Variants in SHANK2 observed in about 807,000 individuals in gnomAD.
SHANK2 encodes the protein SH3 and multiple ankyrin repeat domains protein 2.
A neutral mutation model predicts 133.7 loss-of-function variants in SHANK2; 43 were observed. That is an observed-to-expected ratio of 0.32 (90% CI 0.25 to 0.41). SHANK2 has a LOEUF of 0.41. SHANK2 is among the 10% of genes least tolerant of loss of function. SHANK2 has a pLI of 1.00. For synonymous variants in SHANK2, 1,017 were observed against 952.8 expected, an observed-to-expected ratio of 1.07 and a Z score of -1.24; for missense variants, 1,994 against 2,235.8, an observed-to-expected ratio of 0.89 and a Z score of 2.18.
intron 11 of SHANK2, among the ~76,000 whole-genome samples, chr11:70,878,094 G>A (rs369991434): frequency 1.1e-4 from 17 of 152,342 alleles, no homozygotes; most frequent in African/African-American, 4.1e-4. Flanking sequence ...GGCACTGGGG[G>A]TCCCAGACAC....
chr11:70,495,832 C>T (rs147497650), intron 21 of SHANK2: 63 of 200,024 alleles, frequency 3.1e-4, no homozygotes, highest in African/African-American at 1.4e-3. Flanking sequence ...TGGGGGCAGC[C>T]GCAGAATCCA....
chr11:71,160,126 T>C (rs1464605933), intron 2 of SHANK2, among the ~76,000 whole-genome samples: 1 of 152,100 alleles, frequency 6.6e-6, no homozygotes, highest in African/African-American at 2.4e-5. Flanking sequence ...GAAGGGCTAG[T>C]TGGCATGGGA....
At chr11:70,904,993 TGA>T (rs1950078593) in intron 10 of SHANK2, among the ~76,000 whole-genome samples, 1 of 152,010 alleles carries the variant, frequency 6.6e-6, no homozygotes, top group Non-Finnish European at 1.5e-5. Flanking sequence ...ATCGGCAGCG[TGA>T]AAATGGACTA....
chr11:70,598,500 AAGGAACAC>A (rs2060431762), intron 17 of SHANK2, among the ~76,000 whole-genome samples: 1 of 152,374 alleles, frequency 6.6e-6, no homozygotes, highest in East Asian at 1.9e-4. Context: ...GCCATCGCAG[AAGGAACAC>A]ATAATTCTAA....
At chr11:70,489,122 G>C in intron 24 of SHANK2, 1 of 593,186 alleles carries the variant, frequency 1.7e-6, no homozygotes, top group Non-Finnish European at 3.0e-6. Flanking sequence ...CATTCGATAA[G>C]GGTATTCCAA....
At position 70,473,255 on chromosome 11, in the gene SHANK2, G is replaced by A; in HGVS notation, c.5164C>T (p.Leu1722=). The change falls in exon 26 of 26, where the codon CTG becomes TTG. Residue 1722 remains leucine, a synonymous_variant. Coordinates refer to ENST00000601538, the MANE Select transcript of SHANK2 (RefSeq NM_012309.5). This position sits in a 1 kb window ranked among gnomAD's most constrained non-coding sequence, Gnocchi z 5.9. ...GTGGCAGCAGACAGGGGGGCGGGCA[G>A]GGTCTCTTTGTTCATCTCTGTTGGC... is the stretch of plus-strand genomic sequence containing the variant. ...VSPTEMNKET[L]PAPLSAATAS... is the part of the protein sequence containing the mutation. The A allele has an allele frequency of 6.2e-7, 1 of 1,610,994 alleles. No homozygotes were observed. The highest frequency in any genetic ancestry group is 8.5e-7 in the Non-Finnish European group (1 of 1,177,350).
At chr11:71,056,713 T>C (rs1950926362) in intron 9 of SHANK2, among the ~76,000 whole-genome samples, 155 bp from the exon 10 acceptor site, 1 of 152,254 alleles carries the variant, frequency 6.6e-6, no homozygotes. Context: ...TCCTGTATGC[T>C]GTCAGGTGAG....
chr11:70,703,244 G>A (rs1341559678), intron 14 of SHANK2, among the ~76,000 whole-genome samples: 1 of 152,212 alleles, frequency 6.6e-6, no homozygotes, highest in Non-Finnish European at 1.5e-5. Flanking sequence ...CGGGTGAGGA[G>A]GGGGAGGCTC....
At position 71,059,559 on chromosome 11, in the gene SHANK2, G is replaced by A. The variant is rs1456586080; in HGVS notation, c.1030-3001C>T. On this transcript the variant is annotated intron_variant, in intron 9 of 25. Coordinates refer to ENST00000601538, the MANE Select transcript of SHANK2 (RefSeq NM_012309.5). ...AGCAGGAAGGCAGGCCACCCTGGCA[G>A]AGAGTCTTCATCCCTGGCTGGGTGG... 2.6e-5 allele frequency among the ~76,000 whole-genome samples: 4 copies of A among 151,438 alleles called. No homozygotes were observed. The South Asian group carries it at 6.2e-4, about 24-fold the overall frequency.
chr11:70,657,675 C>A (rs1252312634), intron 17 of SHANK2, among the ~76,000 whole-genome samples: 1 of 152,190 alleles, frequency 6.6e-6, no homozygotes, highest in Non-Finnish European at 1.5e-5. Flanking sequence ...GCAGGCGCAG[C>A]CCTAATGCAT....
chr11:71,073,141 TCTTTTC>T (rs1951165753), intron 9 of SHANK2, among the ~76,000 whole-genome samples: 7 of 92,588 alleles, frequency 7.6e-5, no homozygotes, highest in South Asian at 9.6e-4. Flanking sequence ...TTTTTCTTTT[TCTTTTC>T]TTTTTTTTCT....
chr11:71,163,093 A>AAAAAAATATATATATATATAT, intron 2 of SHANK2, among the ~76,000 whole-genome samples: 1 of 84,678 alleles, frequency 1.2e-5, no homozygotes, highest in Non-Finnish European at 2.5e-5. Flanking sequence ...AAAAAAAAAA[A>AAAAAAATATATATATATATAT]ATACATATAT....
intron 2 of SHANK2, among the ~76,000 whole-genome samples, chr11:71,176,248 C>T (rs532435364): frequency 6.6e-6 from 1 of 152,278 alleles, no homozygotes; most frequent in South Asian, 2.1e-4. Flanking sequence ...TTAACTAAAT[C>T]CCGCCCCCAA....
At chr11:71,148,873 G>A (rs1952706148) in intron 2 of SHANK2, among the ~76,000 whole-genome samples, 1 of 152,108 alleles carries the variant, frequency 6.6e-6, no homozygotes. Context: ...TCCTACAGAT[G>A]GTACATGGGC....
At position 70,485,854 on chromosome 11, in the gene SHANK2, G is replaced by T. The variant is rs538890034; in HGVS notation, c.4439C>A (p.Pro1480His). 4.6e-5 allele frequency: 74 copies of T among 1,614,060 alleles called. No homozygotes were observed. Among genetic ancestry groups the T allele is most frequent in the South Asian group, 3.8e-4 (35 of 91,074 alleles). ...GTCGGCGACGGCGTCAAAGCTTTCA[G>T]GGGGTGGCAGGAATGAGGCAGGCAG... ...NCLPASFLPP[P>H]ESFDAVADSG... is the part of the protein sequence containing the mutation. The change falls in exon 25 of 26, where the codon CCT becomes CAT. Residue 1480 changes from proline to histidine, a missense_variant. Coordinates refer to ENST00000601538, the MANE Select transcript of SHANK2 (RefSeq NM_012309.5). The surrounding 1 kb of genome is among the most constrained non-coding windows in gnomAD (Gnocchi z 5.8).
At chr11:70,865,649 T>C (rs892548769) in intron 11 of SHANK2, among the ~76,000 whole-genome samples, 4 of 152,230 alleles carry the variant, frequency 2.6e-5, no homozygotes, top group African/African-American at 4.8e-5. Flanking sequence ...ATCTCCAAAA[T>C]TGCTCTTGAG....
chr11:71,081,495 G>T (rs1484313296), intron 8 of SHANK2, among the ~76,000 whole-genome samples: 2 of 152,126 alleles, frequency 1.3e-5, no homozygotes, highest in Non-Finnish European at 1.5e-5. Flanking sequence ...TTTTTGGAAA[G>T]ATGAGGTCTC....
chr11:70,623,648 A>G (rs1443034290), intron 17 of SHANK2, among the ~76,000 whole-genome samples: 1 of 152,216 alleles, frequency 6.6e-6, no homozygotes, highest in African/African-American at 2.4e-5. Flanking sequence ...CTGATACAGT[A>G]GCCCCAGCCA....
chr11:70,782,774 G>A (rs1555045466), intron 14 of SHANK2, among the ~76,000 whole-genome samples: 1 of 152,214 alleles, frequency 6.6e-6, no homozygotes, highest in Non-Finnish European at 1.5e-5. Context: ...GCACAGAAAG[G>A]TGCTCGGCCT....
Sources: gnomAD v4.1 joint callset for allele counts (sites outside exome capture counted in the v4.1 genomes callset) on GRCh38, gnomAD v4.1.1 for gene constraint, Gnocchi (gnomAD v3.1) non-coding constraint, MANE v1.5 for transcripts, NCBI Gene and HGNC (gene_info 2026-07-23, HGNC 2026-07-21) for gene names.